Variants in C4orf50 observed in about 807,000 individuals in gnomAD.
C4orf50 encodes uncharacterized protein C4orf50.
Under a neutral mutation model 77.2 loss-of-function variants are expected in C4orf50, and 80 were observed. That is an observed-to-expected ratio of 1.04 (90% confidence interval 0.87 to 1.25). The LOEUF (loss-of-function observed/expected upper bound fraction) is 1.25. Among genes scored for constraint, C4orf50 ranks in the 50% most tolerant of loss-of-function variants. The pLI is 0.00. For missense variants in C4orf50, 1,257 were observed against 1,152.9 expected (o/e 1.09, Z -1.31); for synonymous variants, 532 against 465.3 (o/e 1.14, Z -1.84).
intron 7 of C4orf50, among the ~76,000 whole-genome samples, chr4:5,920,075 T>C (rs1329982837): frequency 1.3e-5 from 2 of 152,242 alleles, no homozygotes; most frequent in African/African-American, 4.8e-5. Context: ...CAGCACACAC[T>C]GTGTAGGTTA....
chr4:5,972,804 G>A (rs776059764), intron 31 of C4orf50, among the ~76,000 whole-genome samples: 13 of 152,216 alleles, frequency 8.5e-5, no homozygotes, highest in South Asian at 4.1e-4. Context: ...TGGCGGGGGC[G>A]TTGCTGGCTT....
intron 29 of C4orf50, among the ~76,000 whole-genome samples, chr4:5,977,369 C>T (rs1044045769): frequency 6.6e-6 from 1 of 152,174 alleles, no homozygotes; most frequent in African/African-American, 2.4e-5. Flanking sequence ...GACCAACATA[C>T]CTATATGGAT....
chr4:5,948,501 C>T (rs980636146), intron 7 of C4orf50, among the ~76,000 whole-genome samples: 1 of 151,928 alleles, frequency 6.6e-6, no homozygotes, highest in African/African-American at 2.4e-5. Context: ...CCCGCTTCTA[C>T]TAAAAATACA....
chr4:6,004,333 A>ATGTGG (rs1294748139), intron 25 of C4orf50, among the ~76,000 whole-genome samples: 29 of 104,514 alleles, frequency 2.8e-4, no homozygotes, highest in African/African-American at 1.2e-3. Flanking sequence ...AATGGTGATG[A>ATGTGG]TGGTGATGGT....
intron 7 of C4orf50, among the ~76,000 whole-genome samples, chr4:5,946,180 C>A (rs1016919828): frequency 1.3e-5 from 2 of 152,160 alleles, no homozygotes; most frequent in Admixed American, 1.3e-4. Context: ...CTTGTCCTGC[C>A]CCTGAGCAGG....
At chr4:5,999,118 C>G (rs1327102413) in intron 25 of C4orf50, among the ~76,000 whole-genome samples, 1 of 152,314 alleles carries the variant, frequency 6.6e-6, no homozygotes, top group Middle Eastern at 3.4e-3. Context: ...TTCATGAGTT[C>G]CTGTTTAGGA....
At chr4:5,951,526 T>G (rs569330389) in intron 7 of C4orf50, among the ~76,000 whole-genome samples, 2 of 152,334 alleles carry the variant, frequency 1.3e-5, no homozygotes, top group South Asian at 4.1e-4. Flanking sequence ...ATAACCTTCA[T>G]GAGCAAAGAA....
Position 6,015,886 on chromosome 4 carries a change from G to T in C4orf50, c.287+2259C>A, listed in dbSNP as rs1722664721. ...CCTCTCGCAAGGATACTTGTGATTG[G>T]TCTTAGAGACCAGCCGGCGAATCTG... On this transcript the variant is annotated intron_variant, in intron 23 of 33. Coordinates refer to ENST00000531445, the Ensembl canonical transcript of C4orf50. The surrounding 1 kb of genome is among the most constrained non-coding windows in gnomAD (Gnocchi z 4.4). 6.6e-6 allele frequency among the ~76,000 whole-genome samples: 1 copy of T among 152,118 alleles called. No homozygotes were observed. Among genetic ancestry groups the T allele is most frequent in the South Asian group, 2.1e-4 (1 of 4,818 alleles).
chr4:5,952,202 G>A (rs1472022632), downstream of C4orf50, among the ~76,000 whole-genome samples: 4 of 152,160 alleles, frequency 2.6e-5, no homozygotes, highest in East Asian at 3.9e-4. The surrounding 1 kb of genome is among the most constrained non-coding windows in gnomAD (Gnocchi z 4.4). Flanking sequence ...GGGTGGAGGC[G>A]ACAAGACCTA....
downstream of C4orf50, among the ~76,000 whole-genome samples, chr4:5,955,898 GC>G (rs1718937770): frequency 6.6e-6 from 1 of 152,168 alleles, no homozygotes; most frequent in African/African-American, 2.4e-5. The surrounding 1 kb of genome is among the most constrained non-coding windows in gnomAD (Gnocchi z 5.1). Context: ...AGGGTTGGGG[GC>G]CCCAGGCACC....
Position 5,951,277 on chromosome 4 carries a change from T to A in C4orf50, c.*2474+5624A>T, listed in dbSNP as rs146878294. Among the ~76,000 whole-genome samples the A allele has an allele frequency of 2.3e-3, 353 of 152,314 alleles. 1 individual carries two copies. The highest frequency in any genetic ancestry group is 7.7e-3 in the African/African-American group (318 of 41,556). On this transcript the variant is annotated intron_variant, in intron 7 of 7. Coordinates refer to the C4orf50 transcript ENST00000324058. ...CAATCATTCACAACTTAGTGTGAAATAGCTAAACCAAGTGACTTTTCTCAT... is the reference window on the plus strand; with the variant it reads ...CAATCATTCACAACTTAGTGTGAAAAAGCTAAACCAAGTGACTTTTCTCAT...
At chr4:5,967,336 G>A in intron 32 of C4orf50, 78 bp downstream of exon 10, 1 of 1,148,948 alleles carries the variant, frequency 8.7e-7, no homozygotes, top group Non-Finnish European at 1.3e-6. Flanking sequence ...CTCCCCTCTG[G>A]CCCACCTCTC....
Position 6,009,656 on chromosome 4 carries a change from T to C in C4orf50, c.427-1124A>G, listed in dbSNP as rs563011216. 1.4e-4 allele frequency among the ~76,000 whole-genome samples: 22 copies of C among 152,328 alleles called. No homozygotes were observed. The South Asian group carries it at 4.6e-3, about 32-fold the overall frequency. ...TCACTACAGAAACGAGGCATCTTCA[T>C]ATGCAAATGCTTACTGGAAACATTG... On this transcript the variant is annotated intron_variant, in intron 24 of 33. Coordinates refer to ENST00000531445, the Ensembl canonical transcript of C4orf50. The surrounding 1 kb of genome is among the most constrained non-coding windows in gnomAD (Gnocchi z 5.6).
Position 6,016,707 on chromosome 4 carries a change from C to A in C4orf50, c.287+1438G>T, listed in dbSNP as rs149428895. ...CTAACATAACTTTGTATATGACTCT[C>A]GGAGGGTAAGTGCGTTGCAGAATGA... On this transcript the variant is annotated intron_variant, in intron 23 of 33. Coordinates refer to ENST00000531445, the Ensembl canonical transcript of C4orf50. Among the ~76,000 whole-genome samples the A allele has an allele frequency of 4.2e-3, 632 of 152,096 alleles. 6 individuals carry two copies. The highest frequency in any genetic ancestry group is 0.01 in the Middle Eastern group (3 of 294).
At chr4:6,004,627 G>A (rs1482987464) in intron 25 of C4orf50, among the ~76,000 whole-genome samples, 1 of 133,812 alleles carries the variant, frequency 7.5e-6, no homozygotes, top group East Asian at 2.3e-4. Flanking sequence ...TGATGGTGAT[G>A]GTGACTGTGA....
intron 31 of C4orf50, among the ~76,000 whole-genome samples, chr4:5,969,027 T>C (rs1392315449): frequency 6.6e-6 from 1 of 152,152 alleles, no homozygotes; most frequent in Non-Finnish European, 1.5e-5. Flanking sequence ...CCTGGCCAAG[T>C]CCGTTGAATT....
intron 25 of C4orf50, among the ~76,000 whole-genome samples, chr4:6,003,668 ATGG>A (rs1469174683): frequency 3.0e-5 from 4 of 135,482 alleles, no homozygotes; most frequent in African/African-American, 8.5e-5. Flanking sequence ...GATGATGGTG[ATGG>A]TGATGATAGT....
chr4:5,928,627 C>T (rs962037970), intron 7 of C4orf50, among the ~76,000 whole-genome samples: 3 of 152,144 alleles, frequency 2.0e-5, no homozygotes, highest in Admixed American at 6.5e-5. Context: ...GCATGCTTCC[C>T]GGTGATAAAA....
At chr4:5,926,044 C>T (rs532173793) in intron 7 of C4orf50, among the ~76,000 whole-genome samples, 30 of 152,306 alleles carry the variant, frequency 2.0e-4, no homozygotes, top group East Asian at 1.5e-3. Context: ...TCCATGCGGA[C>T]GACACGATAG....
Sources: gnomAD v4.1 joint callset for allele counts (sites outside exome capture counted in the v4.1 genomes callset) on GRCh38, gnomAD v4.1.1 for gene constraint, Gnocchi (gnomAD v3.1) non-coding constraint, MANE v1.5 for transcripts, NCBI Gene and HGNC (gene_info 2026-07-23, HGNC 2026-07-21) for gene names.